The following ZNF627 variants were observed in gnomAD, a reference collection of about 807,000 sequenced individuals.
ZNF627 encodes zinc finger protein 627.
Under a neutral mutation model 10.6 loss-of-function variants are expected in ZNF627, and 12 were observed. The ratio of observed to expected loss-of-function variants is 1.13; its 90% CI spans 0.73 to 1.84. The LOEUF (loss-of-function observed/expected upper bound fraction) is 1.84. Among genes scored for constraint, ZNF627 ranks in the 40% most tolerant of loss-of-function variants. ZNF627 has a pLI of 0.00. For synonymous variants in ZNF627, 176 were observed against 187.1 expected, an observed-to-expected ratio of 0.94 and a Z score of 0.48; for missense variants, 504 against 568.4, an observed-to-expected ratio of 0.89 and a Z score of 1.15.
intron 1 of ZNF627, among the ~76,000 whole-genome samples, chr19:11,605,899 A>G (rs915588529): frequency 2.0e-5 from 3 of 152,180 alleles, no homozygotes; most frequent in African/African-American, 7.2e-5. Flanking sequence ...TGAGCCTGTA[A>G]AATCAAAAAC....
chr19:11,599,749 A>G (rs1973552691), intron 1 of ZNF627, among the ~76,000 whole-genome samples: 2 of 152,236 alleles, frequency 1.3e-5, no homozygotes, highest in South Asian at 4.1e-4. Flanking sequence ...CTACTAAAAA[A>G]TACAAAAATT....
chr19:11,617,034 T>G lies in ZNF627; in HGVS notation c.531T>G (p.Ile177Met). ...YDCKECGETFISLVSIRRHML... is the reference protein window; with the variant it reads ...YDCKECGETFMSLVSIRRHML... ...GTAAGGAATGTGGAGAAACCTTTATTTCTCTTGTAAGCATTCGAAGACACA... is the reference window on the plus strand; with the variant it reads ...GTAAGGAATGTGGAGAAACCTTTATGTCTCTTGTAAGCATTCGAAGACACA... Residue 177 changes from isoleucine (I) to methionine (M), a missense_variant, in exon 4 of 4, where the codon ATT becomes ATG. By Grantham distance (10) the Ile-to-Met change is conservative (BLOSUM62 1). Coordinates refer to ENST00000361113, the MANE Select transcript of ZNF627 (RefSeq NM_145295.4). 1 of 1,614,070 alleles carries G rather than the reference T, an allele frequency of 6.2e-7. No homozygotes were observed. The highest frequency in any genetic ancestry group is 8.5e-7 in the Non-Finnish European group (1 of 1,179,990).
chr19:11,603,082 T>C (rs570562199), intron 1 of ZNF627, among the ~76,000 whole-genome samples: 7 of 152,310 alleles, frequency 4.6e-5, no homozygotes, highest in Admixed American at 4.6e-4. Flanking sequence ...TTTAGTAAGT[T>C]ATTACCATTA....
Position 11,615,383 on chromosome 19 carries a change from G to A in ZNF627, c.191+496G>A, listed in dbSNP as rs901142306. 5.3e-5 allele frequency among the ~76,000 whole-genome samples: 8 copies of A among 150,630 alleles called. No homozygotes were observed. The East Asian group carries it at 1.6e-3, about 31-fold the overall frequency. ...TGGGAGGCTGAGGTGGGCAGATCACGAGGTCAGGAGATCGAGACCATCCTG... is the reference window on the plus strand; with the variant it reads ...TGGGAGGCTGAGGTGGGCAGATCACAAGGTCAGGAGATCGAGACCATCCTG... On this transcript the variant is annotated intron_variant, in intron 3 of 3. Transcript: ENST00000361113.
In ZNF627 at chr19:11,614,384, A is replaced by G. The variant is rs1973830078; in HGVS notation, c.4-143A>G. On this transcript the variant is annotated intron_variant, in intron 1 of 3. Coordinates refer to ENST00000361113, the MANE Select transcript of ZNF627 (RefSeq NM_145295.4). ...GCTTTGTGGAAGGAAGTGAGTCTAG[A>G]CAGAGGGTAAGTTTGATGACTGTGG... is the stretch of plus-strand genomic sequence containing the variant. 1.1e-5 allele frequency: 15 copies of G among 1,341,948 alleles called. No homozygotes were observed. In the South Asian group the frequency reaches 2.0e-4, roughly 18 times the overall value. 83.1% of individuals were successfully genotyped at this position (1,341,948 alleles called of 1,614,324 possible). A position where few individuals can be genotyped will look rare whatever the true frequency, so the allele number is the denominator to read the frequency against.
chr19:11,618,905 C>T lies in ZNF627; in HGVS notation c.*1016C>T, dbSNP rs1973924793. ...GCAAATTGTTAAGACACTGTGAAGT[C>T]AGCGTTAACCATGTGCATACAACTT... On this transcript the variant is annotated 3_prime_UTR_variant, in exon 4 of 4. Transcript: ENST00000361113. 6.6e-6 allele frequency: 1 copy of T among 152,176 alleles called. No homozygotes were observed. Among genetic ancestry groups the T allele is most frequent in the Non-Finnish European group, 1.5e-5 (1 of 68,042 alleles). The allele number at this position is 152,176 out of a possible 1,614,324, so 9.4% of individuals were successfully genotyped here.
chr19:11,604,610 A>AT (rs1232600936), intron 1 of ZNF627, among the ~76,000 whole-genome samples: 3 of 152,152 alleles, frequency 2.0e-5, no homozygotes, highest in Non-Finnish European at 2.9e-5. Flanking sequence ...CAGCTCCTTC[A>AT]TCCCCAGTGG....
intron 1 of ZNF627, among the ~76,000 whole-genome samples, chr19:11,601,888 C>T (rs1320086304): frequency 6.6e-6 from 1 of 151,382 alleles, no homozygotes; most frequent in Admixed American, 6.6e-5. Context: ...TGCCTGTAAT[C>T]CCAACTACTC....
intron 1 of ZNF627, among the ~76,000 whole-genome samples, chr19:11,613,488 A>G (rs1056524610): frequency 7.5e-6 from 1 of 133,126 alleles, no homozygotes; most frequent in Non-Finnish European, 1.7e-5. Context: ...GATCCCCTGG[A>G]TTTTTACCTC....
chr19:11,607,182 G>A (rs1973689438), intron 1 of ZNF627, among the ~76,000 whole-genome samples: 1 of 151,998 alleles, frequency 6.6e-6, no homozygotes, highest in Admixed American at 6.6e-5. Flanking sequence ...TGTTGCCCAG[G>A]CTGGAGTGCA....
At chr19:11,604,602 G>C (rs1199441668) in intron 1 of ZNF627, among the ~76,000 whole-genome samples, 1 of 152,200 alleles carries the variant, frequency 6.6e-6, no homozygotes, top group Non-Finnish European at 1.5e-5. Flanking sequence ...GTGGTTCCCA[G>C]CTCCTTCATC....
intron 1 of ZNF627, among the ~76,000 whole-genome samples, chr19:11,608,300 A>G (rs137914857): frequency 2.8e-3 from 433 of 152,324 alleles, no homozygotes; most frequent in African/African-American, 9.9e-3. Flanking sequence ...GGGTGGGGGC[A>G]CAGCCAAACC....
chr19:11,597,849 C>T (rs1024506988), intron 1 of ZNF627, among the ~76,000 whole-genome samples: 12 of 152,354 alleles, frequency 7.9e-5, no homozygotes, highest in Admixed American at 2.0e-4. Flanking sequence ...CGCGTCTCCC[C>T]ACATGGTGCG....
Position 11,613,832 on chromosome 19 carries a change from C to G in ZNF627, c.4-695C>G, listed in dbSNP as rs183507955. The stretch of plus-strand genomic sequence containing the variant: ...CCAGTACCCAGATACTGTCAAAGCT[C>G]AAACTTTGTGAACAAGCATTTCTAA... On this transcript the variant is annotated intron_variant, in intron 1 of 3. Coordinates refer to ENST00000361113, the MANE Select transcript of ZNF627 (RefSeq NM_145295.4). Among the ~76,000 whole-genome samples the G allele has an allele frequency of 1.7e-3, 264 of 152,018 alleles. 1 individual carries two copies. Among genetic ancestry groups the G allele is most frequent in the Middle Eastern group, 3.4e-3 (1 of 292 alleles).
At chr19:11,601,034 A>T (rs1973575928) in intron 1 of ZNF627, among the ~76,000 whole-genome samples, 1 of 152,200 alleles carries the variant, frequency 6.6e-6, no homozygotes, top group African/African-American at 2.4e-5. Context: ...TGGGAAACAG[A>T]GACAGCAGAC....
At chr19:11,605,279 G>C (rs1354800217) in intron 1 of ZNF627, among the ~76,000 whole-genome samples, 1 of 151,530 alleles carries the variant, frequency 6.6e-6, no homozygotes, top group African/African-American at 2.4e-5. Flanking sequence ...TAGAGACAAG[G>C]TTTCACCATC....
At chr19:11,614,979 G>A (rs146842865) in intron 3 of ZNF627, 92 bp downstream of exon 3, 106,254 of 1,029,660 alleles carry the variant, frequency 0.1, 6,044 homozygotes, top group Middle Eastern at 0.13. Flanking sequence ...ATGAAGTCTC[G>A]CTCTGTCGCC....
At chr19:11,603,814 C>CT (rs925059824) in intron 1 of ZNF627, among the ~76,000 whole-genome samples, 21 of 150,504 alleles carry the variant, frequency 1.4e-4, no homozygotes, top group Middle Eastern at 3.4e-3. Flanking sequence ...CCCTACTTTT[C>CT]TTTTTTTTTA....
intron 1 of ZNF627, among the ~76,000 whole-genome samples, chr19:11,604,790 G>A (rs184000447): frequency 9.9e-4 from 151 of 152,322 alleles, no homozygotes; most frequent in African/African-American, 3.6e-3. Flanking sequence ...AGGGGAGGGA[G>A]ATTGAATTCA....
Sources: allele counts gnomAD v4.1 joint callset (sites outside exome capture counted in the v4.1 genomes callset), GRCh38; gene constraint gnomAD v4.1.1; transcripts MANE v1.5; gene names NCBI Gene and HGNC (gene_info 2026-07-23, HGNC 2026-07-21).